SLIT2: variants seen among roughly 807,000 people sequenced by gnomAD.
The protein encoded by SLIT2 is slit guidance ligand 2, also known as slit homolog 2 protein.
In SLIT2, 41 loss-of-function variants were observed where a neutral mutation model predicts 185.7. The ratio of observed to expected loss-of-function variants is 0.22; its 90% CI spans 0.17 to 0.29. SLIT2 has a LOEUF of 0.29. SLIT2 is among the 10% of genes least tolerant of loss of function. The probability of loss-of-function intolerance (pLI) is 1.00; values close to 1 mark genes in which losing one functional copy is unlikely to be tolerated. For missense variants in SLIT2, 1,571 were observed against 1,909.0 expected, an observed-to-expected ratio of 0.82 and a Z score of 3.30; for synonymous variants, 693 against 680.2, an observed-to-expected ratio of 1.02 and a Z score of -0.29.
chr4:20,287,416 G>T (rs919352585), intron 4 of SLIT2, among the ~76,000 whole-genome samples: 1 of 152,140 alleles, frequency 6.6e-6, no homozygotes, highest in South Asian at 2.1e-4. Context: ...GTTTCTTCCT[G>T]CTCCTTCACT....
intron 4 of SLIT2, among the ~76,000 whole-genome samples, chr4:20,445,554 G>A (rs1711672058): frequency 6.6e-6 from 1 of 152,106 alleles, no homozygotes; most frequent in Admixed American, 6.5e-5. Context: ...AGTTTTTGCT[G>A]TTATTTCTTG....
At chr4:20,261,764 A>G (rs890439012) in intron 3 of SLIT2, among the ~76,000 whole-genome samples, 1 of 151,888 alleles carries the variant, frequency 6.6e-6, no homozygotes, top group Admixed American at 6.6e-5. Flanking sequence ...AAGAATCAGT[A>G]GCATACTGTG....
chr4:20,362,164 G>A (rs1380586356), intron 4 of SLIT2, among the ~76,000 whole-genome samples: 1 of 152,092 alleles, frequency 6.6e-6, no homozygotes, highest in East Asian at 1.9e-4. Context: ...TGAGGTAGGT[G>A]AGAGTGCCCA....
intron 4 of SLIT2, among the ~76,000 whole-genome samples, chr4:20,368,505 T>G (rs1173575258): frequency 6.6e-6 from 1 of 152,056 alleles, no homozygotes; most frequent in Non-Finnish European, 1.5e-5. Context: ...TCTATATTGT[T>G]AACACCTAAA....
At chr4:20,312,891 T>G (rs1041465749) in intron 4 of SLIT2, among the ~76,000 whole-genome samples, 1 of 152,168 alleles carries the variant, frequency 6.6e-6, no homozygotes, top group African/African-American at 2.4e-5. Flanking sequence ...GCTCTTATTA[T>G]TTTATCCTAA....
At chr4:20,405,021 G>A (rs1726668659) in intron 4 of SLIT2, among the ~76,000 whole-genome samples, 3 of 134,812 alleles carry the variant, frequency 2.2e-5, no homozygotes, top group Admixed American at 7.3e-5. Flanking sequence ...TTTGAAGTGA[G>A]GGAGAAAGAC....
At chr4:20,366,487 T>A (rs187325939) in intron 4 of SLIT2, among the ~76,000 whole-genome samples, 1 of 152,284 alleles carries the variant, frequency 6.6e-6, no homozygotes, top group East Asian at 1.9e-4. Context: ...CCATTCTAGT[T>A]GCCCAGAAGT....
intron 15 of SLIT2, among the ~76,000 whole-genome samples, chr4:20,526,388 T>G (rs1204501302): frequency 6.6e-6 from 1 of 152,142 alleles, no homozygotes; most frequent in African/African-American, 2.4e-5. Context: ...TGTTTAATAT[T>G]AATTACTTTA....
At chr4:20,278,860 C>T (rs1714445625) in intron 4 of SLIT2, among the ~76,000 whole-genome samples, 1 of 151,854 alleles carries the variant, frequency 6.6e-6, no homozygotes, top group African/African-American at 2.4e-5. Context: ...GGTGGGCATA[C>T]TGAGTGCTTA....
chr4:20,542,964 A>G (rs1722945554), intron 21 of SLIT2, among the ~76,000 whole-genome samples: 1 of 151,998 alleles, frequency 6.6e-6, no homozygotes, highest in African/African-American at 2.4e-5. Context: ...ATTTGTTCCT[A>G]TACCCCTTTT....
intron 4 of SLIT2, among the ~76,000 whole-genome samples, chr4:20,428,544 A>G (rs1287715651): frequency 6.6e-6 from 1 of 152,176 alleles, no homozygotes; most frequent in Non-Finnish European, 1.5e-5. Flanking sequence ...CTTATTATAT[A>G]TTGTTTGCTG....
chr4:20,616,132 A>C (rs1263655670), intron 34 of SLIT2: 2 of 152,196 alleles, frequency 1.3e-5, no homozygotes, highest in Non-Finnish European at 2.9e-5. Flanking sequence ...TGAAGTCTTC[A>C]CTCTTAATTA....
chr4:20,263,980 T>C (rs191999943), intron 3 of SLIT2, among the ~76,000 whole-genome samples: 172 of 152,016 alleles, frequency 1.1e-3, no homozygotes, highest in Non-Finnish European at 1.8e-3. Flanking sequence ...ACTGAAGAGA[T>C]GTGAAGAAAA....
chr4:20,341,640 T>C (rs546125022), intron 4 of SLIT2, among the ~76,000 whole-genome samples: 32 of 152,322 alleles, frequency 2.1e-4, no homozygotes, highest in African/African-American at 7.7e-4. Context: ...TATTCAGGTC[T>C]CTGCTTTGTG....
intron 32 of SLIT2, 111 bp from the exon 33 acceptor site, chr4:20,598,154 G>C (rs1728128436): frequency 1.0e-6 from 1 of 978,582 alleles, no homozygotes; most frequent in East Asian, 2.7e-5. Flanking sequence ...ATAGCCATCA[G>C]GAAAACATAA....
rs1719620065 is a variant in SLIT2, at chr4:20,510,675, T to G, written c.986+109T>G. ...ATATAAGTGTTTGACAGCTTAAATA[T>G]TAAGTGATGTGACTGTCTGATTACT... is the stretch of plus-strand genomic sequence containing the variant. On this transcript the variant is annotated intron_variant, in intron 10 of 36. Coordinates refer to ENST00000504154, the MANE Select transcript of SLIT2 (RefSeq NM_004787.4). The G allele has an allele frequency of 6.2e-6, 4 of 644,096 alleles. No individual in the cohort carries two copies. The South Asian group carries it at 8.3e-5, about 13-fold the overall frequency. The allele number at this position is 644,096 out of a possible 1,614,324, so 39.9% of individuals were successfully genotyped here. A position where few individuals can be genotyped will look rare whatever the true frequency, so the allele number is the denominator to read the frequency against.
chr4:20,583,757 C>G (rs1008287523), intron 29 of SLIT2, among the ~76,000 whole-genome samples: 2 of 151,672 alleles, frequency 1.3e-5, no homozygotes, highest in African/African-American at 4.8e-5. Flanking sequence ...TGCAGTGAGC[C>G]AAGATCATGC....
chr4:20,571,326 G>A (rs1270282633), intron 29 of SLIT2, among the ~76,000 whole-genome samples: 1 of 152,132 alleles, frequency 6.6e-6, no homozygotes. Context: ...ATGGCGTACA[G>A]AACATGAAGA....
At chr4:20,421,047 T>A (rs1367031533) in intron 4 of SLIT2, among the ~76,000 whole-genome samples, 1 of 152,186 alleles carries the variant, frequency 6.6e-6, no homozygotes, top group Admixed American at 6.5e-5. Context: ...AACACCATTT[T>A]TTGATTTTCT....
Sources: allele counts gnomAD v4.1 joint callset (sites outside exome capture counted in the v4.1 genomes callset), GRCh38; gene constraint gnomAD v4.1.1; transcripts MANE v1.5; gene names NCBI Gene and HGNC (gene_info 2026-07-23, HGNC 2026-07-21).